The following DLGAP2 variants were observed in gnomAD, a reference collection of about 807,000 sequenced individuals.
DLGAP2 encodes DLG associated protein 2, also known as disks large-associated protein 2.
DLGAP2 carries 26 observed loss-of-function variants against 100.3 expected under a neutral mutation model. That is an observed-to-expected ratio of 0.26 (90% CI 0.19 to 0.36). The LOEUF is 0.36. DLGAP2 is among the 10% of genes least tolerant of loss of function. DLGAP2 has a pLI of 1.00. For missense variants in DLGAP2, 1,858 were observed against 1,453.2 expected (o/e 1.28, Z -4.53); for synonymous variants, 886 against 630.1 (o/e 1.41, Z -6.08).
intron 3 of DLGAP2, among the ~76,000 whole-genome samples, chr8:1,269,822 C>T (rs1173532287): frequency 4.6e-5 from 7 of 152,126 alleles, no homozygotes; most frequent in Non-Finnish European, 8.8e-5. Flanking sequence ...GCTAGAGAAT[C>T]ACCGTGGTGT....
At chr8:1,561,528 A>G (rs901951078) in intron 5 of DLGAP2, among the ~76,000 whole-genome samples, 11 of 151,826 alleles carry the variant, frequency 7.2e-5, no homozygotes, top group Non-Finnish European at 1.2e-4. Context: ...ATCCTGTCCA[A>G]CCCTCTCCTC....
Position 1,626,832 on chromosome 8 carries a change from A to G in DLGAP2, c.1535A>G (p.Asn512Ser). ...NYNSPKFRSR[N>S]QSYMRAVSTL... ...AACTCCCCGAAATTCCGCTCCCGGA[A>G]CCAGAGCTACATGAGGGCCGTCAGC... Residue 512 changes from asparagine to serine, a missense_variant, in exon 7 of 15, where the codon AAC (asparagine) becomes AGC (serine). Transcript: ENST00000637795. The G allele has an allele frequency of 6.2e-7, 1 of 1,607,250 alleles. No individual in the cohort carries two copies. Among genetic ancestry groups the G allele is most frequent in the Non-Finnish European group, 8.5e-7 (1 of 1,177,112 alleles).
chr8:1,049,566 C>T (rs1802613314), intron 2 of DLGAP2, among the ~76,000 whole-genome samples: 1 of 151,994 alleles, frequency 6.6e-6, no homozygotes, highest in South Asian at 2.1e-4. Context: ...AGGGCGTATA[C>T]AAAAAGAAAA....
chr8:1,383,472 A>T (rs1041640508), intron 3 of DLGAP2, among the ~76,000 whole-genome samples: 1 of 152,210 alleles, frequency 6.6e-6, no homozygotes, highest in African/African-American at 2.4e-5. Flanking sequence ...ACACAAGAAC[A>T]CGGATGTGGA....
intron 4 of DLGAP2, among the ~76,000 whole-genome samples, chr8:1,539,117 C>T (rs1316701352): frequency 6.6e-6 from 1 of 152,142 alleles, no homozygotes; most frequent in Non-Finnish European, 1.5e-5. Flanking sequence ...AACTCTCAAC[C>T]TCAAGTGATC....
chr8:1,244,718 G>T (rs578035252), intron 2 of DLGAP2, among the ~76,000 whole-genome samples: 4 of 152,174 alleles, frequency 2.6e-5, no homozygotes, highest in Non-Finnish European at 5.9e-5. Context: ...TTAAGCAGTG[G>T]TTTCTTAGAG....
intron 3 of DLGAP2, among the ~76,000 whole-genome samples, chr8:1,274,222 A>G (rs1799637634): frequency 6.6e-6 from 1 of 152,056 alleles, no homozygotes; most frequent in Non-Finnish European, 1.5e-5. Context: ...AACTTATTTA[A>G]CAAATAAAAT....
At chr8:984,859 G>A (rs1800442080) in intron 2 of DLGAP2, among the ~76,000 whole-genome samples, 1 of 152,140 alleles carries the variant, frequency 6.6e-6, no homozygotes, top group Non-Finnish European at 1.5e-5. Flanking sequence ...TAAAATGAGG[G>A]TGACCTGAAT....
At chr8:1,412,550 G>A (rs1468086229) in intron 3 of DLGAP2, among the ~76,000 whole-genome samples, 1 of 152,164 alleles carries the variant, frequency 6.6e-6, no homozygotes, top group Non-Finnish European at 1.5e-5. Flanking sequence ...TCCTTGGTAA[G>A]CCCCAGCCAT....
chr8:1,571,482 G>A (rs1202467972), intron 6 of DLGAP2, among the ~76,000 whole-genome samples: 1 of 139,886 alleles, frequency 7.1e-6, no homozygotes, highest in Non-Finnish European at 1.5e-5. Context: ...GGTGTCTGAT[G>A]AGATGGAGAG....
intron 2 of DLGAP2, among the ~76,000 whole-genome samples, chr8:924,224 G>A (rs1422056987): frequency 6.6e-6 from 1 of 152,210 alleles, no homozygotes; most frequent in Non-Finnish European, 1.5e-5. Flanking sequence ...TGAAGGAGGT[G>A]ACGTTAATTC....
intron 6 of DLGAP2, among the ~76,000 whole-genome samples, chr8:1,601,211 C>T (rs1344505614): frequency 6.6e-6 from 1 of 152,234 alleles, no homozygotes; most frequent in Non-Finnish European, 1.5e-5. Flanking sequence ...GGTTGCCGAA[C>T]AGCAAAGATT....
rs192598589 is a variant in DLGAP2 at position 880,515 on chromosome 8, C to T, written c.19-27397C>T. Reference sequence around the variant, plus strand: ...GACTTTGTAGGTGGGTCGGGGTGACCGTCCAGTGTGTGTCCCCTCTCCAGC... The same window carrying T: ...GACTTTGTAGGTGGGTCGGGGTGACTGTCCAGTGTGTGTCCCCTCTCCAGC... On this transcript the variant is annotated intron_variant, in intron 1 of 14. Coordinates refer to ENST00000637795, the MANE Select transcript of DLGAP2 (RefSeq NM_001346810.2). 3.1e-3 allele frequency among the ~76,000 whole-genome samples: 453 copies of T among 147,612 alleles called. 2 individuals carry two copies. Among genetic ancestry groups the T allele is most frequent in the Admixed American group, 0.024 (362 of 14,876 alleles).
chr8:910,080 G>A lies in DLGAP2; in HGVS notation c.73+2114G>A, dbSNP rs765875667. 2.0e-5 allele frequency among the ~76,000 whole-genome samples: 3 copies of A among 152,206 alleles called. No homozygotes were observed. In the East Asian group the frequency reaches 5.8e-4, roughly 29 times the overall value. ...GTTTCCGTTTTGGAAGACGAAACGA[G>A]TTCTGCAGATGGAGGGTGGGGACGG... On this transcript the variant is annotated intron_variant, in intron 2 of 14. Transcript: ENST00000637795.
chr8:962,918 A>AG (rs1799760637), intron 2 of DLGAP2, among the ~76,000 whole-genome samples: 2 of 152,142 alleles, frequency 1.3e-5, no homozygotes, highest in Admixed American at 1.3e-4. Context: ...CTCCATGCTG[A>AG]GGTACCGACT....
chr8:817,031 C>T (rs1443236557), intron 1 of DLGAP2, among the ~76,000 whole-genome samples: 1 of 152,036 alleles, frequency 6.6e-6, no homozygotes, highest in Non-Finnish European at 1.5e-5. Flanking sequence ...GTCCCAGCTC[C>T]TCAGGAGGCT....
At chr8:1,306,642 T>A (rs1800498256) in intron 3 of DLGAP2, among the ~76,000 whole-genome samples, 1 of 146,856 alleles carries the variant, frequency 6.8e-6, no homozygotes, top group Non-Finnish European at 1.5e-5. Context: ...TTTCAAAACT[T>A]ACTACAGAGC....
chr8:1,064,312 C>T (rs1803178310), intron 2 of DLGAP2, among the ~76,000 whole-genome samples: 2 of 152,258 alleles, frequency 1.3e-5, no homozygotes, highest in Middle Eastern at 3.4e-3. Context: ...ATACAGTGTT[C>T]AGATTGGAAA....
intron 5 of DLGAP2, among the ~76,000 whole-genome samples, chr8:1,564,189 C>T (rs917253801): frequency 1.3e-5 from 2 of 152,120 alleles, no homozygotes; most frequent in Non-Finnish European, 2.9e-5. Flanking sequence ...TTACCCAGAG[C>T]CTCTGGGGAG....
Sources: allele counts gnomAD v4.1 joint callset (sites outside exome capture counted in the v4.1 genomes callset), GRCh38; gene constraint gnomAD v4.1.1; transcripts MANE v1.5; gene names NCBI Gene and HGNC (gene_info 2026-07-23, HGNC 2026-07-21).